The following PPP2R5E variants were observed in gnomAD, a reference collection of about 807,000 sequenced individuals.
PPP2R5E encodes the protein serine/threonine-protein phosphatase 2A 56 kDa regulatory subunit epsilon isoform.
A neutral mutation model predicts 65.3 loss-of-function variants in PPP2R5E; 4 were observed. The ratio of observed to expected loss-of-function variants is 0.06; its 90% CI spans 0.03 to 0.14. PPP2R5E has a LOEUF of 0.14. PPP2R5E is among the 10% of genes least tolerant of loss of function. PPP2R5E has a pLI of 1.00. For synonymous variants in PPP2R5E, 183 were observed against 187.4 expected, an observed-to-expected ratio of 0.98 and a Z score of 0.19; for missense variants, 274 against 556.1, an observed-to-expected ratio of 0.49 and a Z score of 5.10.
chr14:63,415,312 C>T lies in PPP2R5E; in HGVS notation c.457-80G>A, dbSNP rs182146535. 22 of 927,256 alleles carry T rather than the reference C, an allele frequency of 2.4e-5. No homozygotes were observed. The East Asian group carries it at 2.4e-4, about 10-fold the overall frequency. 57.4% of individuals were successfully genotyped at this position (927,256 alleles called of 1,614,324 possible). ...TAAAAACCACCAAAAGCCTGTAACA[C>T]TAAAAGTGACAGGGCTTAGAAAATT... On this transcript the variant is annotated intron_variant, in intron 4 of 13. Coordinates refer to ENST00000337537, the MANE Select transcript of PPP2R5E (RefSeq NM_006246.5).
chr14:63,478,632 T>C (rs1231650523), intron 2 of PPP2R5E, among the ~76,000 whole-genome samples: 1 of 152,152 alleles, frequency 6.6e-6, no homozygotes, highest in Non-Finnish European at 1.5e-5. Context: ...AGTATTACTA[T>C]AAAATTAGTT....
At chr14:63,464,967 G>A (rs111962476) in intron 2 of PPP2R5E, among the ~76,000 whole-genome samples, 4,427 of 151,276 alleles carry the variant, frequency 0.029, 190 homozygotes, top group African/African-American at 0.097. Flanking sequence ...AGGTTGCAAC[G>A]AGCCGAAATT....
rs566448238 is a variant in PPP2R5E, at chr14:63,538,807, T to C, written c.157+722A>G. ...TAAAAATACAAAAATTAGCTGGGCA[T>C]GGTGGCGGGCACCTGTGCTCCCAGC... On this transcript the variant is annotated intron_variant, in intron 2 of 13. Coordinates refer to ENST00000337537, the MANE Select transcript of PPP2R5E (RefSeq NM_006246.5). Among the ~76,000 whole-genome samples, 7 of 151,858 alleles carry C rather than the reference T, an allele frequency of 4.6e-5. No individual in the cohort carries two copies. In the South Asian group the frequency reaches 1.5e-3, roughly 32 times the overall value.
intron 2 of PPP2R5E, among the ~76,000 whole-genome samples, chr14:63,456,396 A>G (rs1417641813): frequency 1.3e-5 from 2 of 152,242 alleles, no homozygotes; most frequent in Non-Finnish European, 2.9e-5. Context: ...GTTGAAATTT[A>G]TCCTTTATTT....
chr14:63,392,564 C>T lies in PPP2R5E; in HGVS notation c.850-539G>A, dbSNP rs559801595. Among the ~76,000 whole-genome samples the T allele has an allele frequency of 4.0e-4, 61 of 152,288 alleles. No individual in the cohort carries two copies. In the South Asian group the frequency reaches 0.012, roughly 29 times the overall value. ...TGTAAGAATAGTTCTACATCTGGTA[C>T]TAACACATCTAAGTAAGATTGTTTA... On this transcript the variant is annotated intron_variant, in intron 8 of 13. Transcript: ENST00000337537.
Position 63,427,184 on chromosome 14 carries a change from T to C in PPP2R5E, c.355-5090A>G, listed in dbSNP as rs112779408. Among the ~76,000 whole-genome samples, 1,231 of 152,322 alleles carry C rather than the reference T, an allele frequency of 8.1e-3. 19 individuals carry two copies. The highest frequency in any genetic ancestry group is 0.027 in the African/African-American group (1,124 of 41,568). On this transcript the variant is annotated intron_variant, in intron 3 of 13. Coordinates refer to ENST00000337537, the MANE Select transcript of PPP2R5E (RefSeq NM_006246.5). ...CACTCCCCACCATGCAACAGTTTTG[T>C]GAAGAGCCTATGCGGCTAGATTAAA...
chr14:63,468,323 T>G (rs60503712), intron 2 of PPP2R5E, among the ~76,000 whole-genome samples: 3,028 of 152,326 alleles, frequency 0.02, 82 homozygotes, highest in African/African-American at 0.064. Flanking sequence ...CTTTTTGGTA[T>G]GTCTGGTTGT....
At chr14:63,425,341 T>C (rs982195433) in intron 3 of PPP2R5E, among the ~76,000 whole-genome samples, 3 of 152,358 alleles carry the variant, frequency 2.0e-5, no homozygotes, top group Non-Finnish European at 4.4e-5. Flanking sequence ...CCAGCTATAA[T>C]GTAATTGACA....
intron 2 of PPP2R5E, among the ~76,000 whole-genome samples, chr14:63,466,530 G>A (rs1161285020): frequency 6.6e-6 from 1 of 152,186 alleles, no homozygotes; most frequent in Non-Finnish European, 1.5e-5. Flanking sequence ...TCCCCTAATT[G>A]TGAAGCTCTC....
intron 2 of PPP2R5E, among the ~76,000 whole-genome samples, chr14:63,466,574 T>C (rs1889812011): frequency 6.6e-6 from 1 of 152,222 alleles, no homozygotes; most frequent in African/African-American, 2.4e-5. Context: ...ACTTAATTAA[T>C]ATAGTTAAAT....
At chr14:63,476,279 C>T (rs1358094946) in intron 2 of PPP2R5E, among the ~76,000 whole-genome samples, 1 of 151,806 alleles carries the variant, frequency 6.6e-6, no homozygotes, top group Non-Finnish European at 1.5e-5. Flanking sequence ...TTGTTGTTCT[C>T]ATGGAAGGCA....
chr14:63,446,999 G>A (rs956748616), intron 3 of PPP2R5E, among the ~76,000 whole-genome samples: 2 of 152,126 alleles, frequency 1.3e-5, no homozygotes, highest in Non-Finnish European at 2.9e-5. Context: ...CAGAATATTT[G>A]GTGGACCATG....
intron 2 of PPP2R5E, among the ~76,000 whole-genome samples, chr14:63,495,140 T>C (rs553084729): frequency 2.7e-5 from 4 of 147,794 alleles, no homozygotes; most frequent in Admixed American, 6.7e-5. Flanking sequence ...GAGGAGGAGG[T>C]TGCAGTGAGC....
chr14:63,540,485 C>T (rs1230728759), intron 1 of PPP2R5E, among the ~76,000 whole-genome samples: 1 of 144,190 alleles, frequency 6.9e-6, no homozygotes, highest in South Asian at 2.2e-4. Flanking sequence ...AATCCCAAGG[C>T]GGGCAGATAA....
At chr14:63,423,138 A>G (rs922416829) in intron 3 of PPP2R5E, among the ~76,000 whole-genome samples, 1 of 152,212 alleles carries the variant, frequency 6.6e-6, no homozygotes, top group Non-Finnish European at 1.5e-5. Flanking sequence ...TCTGTCACCC[A>G]CGCTGGAGTG....
intron 11 of PPP2R5E, among the ~76,000 whole-genome samples, chr14:63,387,620 C>T (rs1884748510): frequency 6.6e-6 from 1 of 152,180 alleles, no homozygotes. Flanking sequence ...TAAATAAGAG[C>T]CTCTTCCCTT....
At chr14:63,443,305 T>A (rs1307066045) in intron 3 of PPP2R5E, among the ~76,000 whole-genome samples, 1 of 152,206 alleles carries the variant, frequency 6.6e-6, no homozygotes, top group Non-Finnish European at 1.5e-5. Context: ...TTCTACCATT[T>A]GAGGTATAAG....
chr14:63,432,082 T>A (rs1887705490), intron 3 of PPP2R5E, among the ~76,000 whole-genome samples: 1 of 151,892 alleles, frequency 6.6e-6, no homozygotes, highest in Non-Finnish European at 1.5e-5. Flanking sequence ...CCAATTAGAA[T>A]TTTTAAATAT....
At chr14:63,490,134 T>A (rs28639496) in intron 2 of PPP2R5E, among the ~76,000 whole-genome samples, 22,247 of 152,048 alleles carry the variant, frequency 0.15, 1,761 homozygotes, top group East Asian at 0.21. Context: ...CTAACCAATA[T>A]AGCAGCCACT....
Sources: allele counts gnomAD v4.1 joint callset (sites outside exome capture counted in the v4.1 genomes callset), GRCh38; gene constraint gnomAD v4.1.1; transcripts MANE v1.5; gene names NCBI Gene and HGNC (gene_info 2026-07-23, HGNC 2026-07-21).